The following NEURL1B variants were observed in gnomAD, a reference collection of about 807,000 sequenced individuals.
The protein encoded by NEURL1B is E3 ubiquitin-protein ligase NEURL1B.
A neutral mutation model predicts 37.4 loss-of-function variants in NEURL1B; 13 were observed. The observed-to-expected ratio is 0.35, with a 90% CI of 0.23 to 0.55. The LOEUF (loss-of-function observed/expected upper bound fraction) is 0.55, where lower values mean the gene tolerates loss of function less well. Among genes scored for constraint, NEURL1B ranks in the 20% least tolerant of loss-of-function variants. The pLI is 0.89. For synonymous variants in NEURL1B, 432 were observed against 426.6 expected (o/e 1.01, Z -0.16); for missense variants, 790 against 879.2 (o/e 0.90, Z 1.28).
chr5:172,683,911 C>T lies in NEURL1B; in HGVS notation c.1070C>T (p.Ala357Val). Residue 357 changes from alanine to valine, a missense_variant, in exon 3 of 5, where the codon GCC becomes GTC. Physicochemically the swap from Ala to Val is moderately conservative, Grantham distance 64. Transcript: ENST00000369800. The surrounding 1 kb of genome is among the most constrained non-coding windows in gnomAD (Gnocchi z 5.6). ...PGVLRPNELPADPDALLDRKE... is the reference protein window; with the variant it reads ...PGVLRPNELPVDPDALLDRKE... ...GTGCTACGGCCCAACGAGCTGCCCG[C>T]CGACCCAGACGCGCTGCTCGACCGC... is the stretch of plus-strand genomic sequence containing the variant. 1 of 1,412,600 alleles carries T rather than the reference C, an allele frequency of 7.1e-7. No individual in the cohort carries two copies. The highest frequency in any genetic ancestry group is 9.3e-7 in the Non-Finnish European group (1 of 1,078,118). The allele number at this position is 1,412,600 out of a possible 1,614,324, so 87.5% of individuals were successfully genotyped here.
Position 172,665,686 on chromosome 5 carries a change from T to C in NEURL1B, c.32-4099T>C, listed in dbSNP as rs1044985425. On this transcript the variant is annotated intron_variant, in intron 1 of 4. Coordinates refer to ENST00000369800, the MANE Select transcript of NEURL1B (RefSeq NM_001142651.3). This position sits in a 1 kb window ranked among gnomAD's most constrained non-coding sequence, Gnocchi z 4.1. The stretch of plus-strand genomic sequence containing the variant: ...CCCTGCCACACCTACCGTATCACTT[T>C]ACCCTCCCCCCAAATTCCAGCCTCC... Among the ~76,000 whole-genome samples the C allele has an allele frequency of 2.0e-5, 3 of 151,924 alleles. No homozygotes were observed. Among genetic ancestry groups the C allele is most frequent in the African/African-American group, 7.3e-5 (3 of 41,332 alleles).
At position 172,683,507 on chromosome 5, in the gene NEURL1B, C is replaced by A. The variant is rs1157894775; in HGVS notation, c.666C>A (p.Ala222=). The part of the protein sequence containing the change: ...ACLPPSSHDA[A]NFDNNELENN... ...TGCCGCCCAGCAGCCACGACGCGGC[C>A]AACTTCGACAACAACGAGCTCGAGA... The change falls in exon 3 of 5, where the codon GCC becomes GCA. Residue 222 remains alanine (A), a synonymous_variant. Coordinates refer to ENST00000369800, the MANE Select transcript of NEURL1B (RefSeq NM_001142651.3). The surrounding 1 kb of genome is among the most constrained non-coding windows in gnomAD (Gnocchi z 5.6). 1.3e-6 allele frequency: 2 copies of A among 1,502,718 alleles called. No individual in the cohort carries two copies. The highest frequency in any genetic ancestry group is 1.8e-6 in the Non-Finnish European group (2 of 1,130,918). 93.1% of individuals were successfully genotyped at this position (1,502,718 alleles called of 1,614,324 possible). A position where few individuals can be genotyped will look rare whatever the true frequency, so the allele number is the denominator to read the frequency against.
Position 172,670,188 on chromosome 5 carries a change from C to G in NEURL1B, c.435C>G (p.Ala145=). 1 of 1,472,150 alleles carries G rather than the reference C, an allele frequency of 6.8e-7. No individual in the cohort carries two copies. Among genetic ancestry groups the G allele is most frequent in the Non-Finnish European group, 9.0e-7 (1 of 1,115,530 alleles). 91.2% of individuals were successfully genotyped at this position (1,472,150 alleles called of 1,614,324 possible). The part of the protein sequence containing the change: ...ENLALRDTVL[A]YWADRHGRVF... ...TGGCGCTGCGCGACACGGTGCTGGC[C>G]TACTGGGCCGACCGCCACGGCCGCG... is the stretch of plus-strand genomic sequence containing the variant. Residue 145 remains alanine (A), a synonymous_variant, in exon 2 of 5, where the codon GCC becomes GCG. Transcript: ENST00000369800.
Position 172,665,668 on chromosome 5 carries a change from A to T in NEURL1B, c.32-4117A>T, listed in dbSNP as rs1757995694. Among the ~76,000 whole-genome samples the T allele has an allele frequency of 6.7e-6, 1 of 149,112 alleles. No homozygotes were observed. The highest frequency in any genetic ancestry group is 1.5e-5 in the Non-Finnish European group (1 of 67,282). On this transcript the variant is annotated intron_variant, in intron 1 of 4. Coordinates refer to ENST00000369800, the MANE Select transcript of NEURL1B (RefSeq NM_001142651.3). The surrounding 1 kb of genome is among the most constrained non-coding windows in gnomAD (Gnocchi z 4.1). ...TGCCCAACCTGGCACACCCCCTGCC[A>T]CACCTACCGTATCACTTTACCCTCC... is the stretch of plus-strand genomic sequence containing the variant.
intron 1 of NEURL1B, among the ~76,000 whole-genome samples, chr5:172,644,725 C>A (rs374472794): frequency 6.6e-5 from 10 of 152,300 alleles, no homozygotes; most frequent in Middle Eastern, 6.8e-3. Context: ...TAGGCAGTGG[C>A]AAAGCTGGGC....
chr5:172,689,521 A>G lies in NEURL1B; in HGVS notation c.*2596A>G, dbSNP rs1250596895. ...ACTGTACAGTTCCTTCCAATCAGAG[A>G]TGTTCACGTGTGAAAAAAAAACTGT... On this transcript the variant is annotated 3_prime_UTR_variant, in exon 5 of 5. Coordinates refer to ENST00000369800, the MANE Select transcript of NEURL1B (RefSeq NM_001142651.3). 1 of 152,128 alleles carries G rather than the reference A, an allele frequency of 6.6e-6. No individual in the cohort carries two copies. Among genetic ancestry groups the G allele is most frequent in the South Asian group, 2.1e-4 (1 of 4,816 alleles). 9.4% of individuals were successfully genotyped at this position (152,128 alleles called of 1,614,324 possible).
intron 2 of NEURL1B, among the ~76,000 whole-genome samples, chr5:172,681,891 C>T (rs1365073399): frequency 6.6e-6 from 1 of 152,196 alleles, no homozygotes; most frequent in Non-Finnish European, 1.5e-5. Context: ...ACTTATTTTC[C>T]TATTATGGTA....
rs932259717 is a variant in NEURL1B at position 172,686,939 on chromosome 5, C to T, written c.*14C>T. On this transcript the variant is annotated 3_prime_UTR_variant, in exon 5 of 5. Transcript: ENST00000369800. The surrounding 1 kb of genome is among the most constrained non-coding windows in gnomAD (Gnocchi z 7.9). Reference sequence around the variant, plus strand: ...TACAGGCCATAGCCTAGCCTGCCCACGGGCCTTGGCCGGTGCAAGGTCACC... The same window carrying T: ...TACAGGCCATAGCCTAGCCTGCCCATGGGCCTTGGCCGGTGCAAGGTCACC... 48 of 1,537,384 alleles carry T rather than the reference C, an allele frequency of 3.1e-5. No homozygotes were observed. The East Asian group carries it at 9.9e-4, about 32-fold the overall frequency.
In NEURL1B at chr5:172,690,618, T is replaced by C. The variant is rs576401213; in HGVS notation, c.*3693T>C. Reference sequence around the variant, plus strand: ...GTGACACTAAGAGGGAAATGAGATATTTGGGGCAGAATCCACTGGGCTCTC... The same window carrying C: ...GTGACACTAAGAGGGAAATGAGATACTTGGGGCAGAATCCACTGGGCTCTC... On this transcript the variant is annotated 3_prime_UTR_variant, in exon 5 of 5. Transcript: ENST00000369800. The C allele has an allele frequency of 7.2e-5, 11 of 152,306 alleles. No individual in the cohort carries two copies. In the South Asian group the frequency reaches 8.3e-4, roughly 11 times the overall value. 9.4% of individuals were successfully genotyped at this position (152,306 alleles called of 1,614,324 possible).
rs777836798 is a variant in NEURL1B, at chr5:172,647,308, G to A, written c.31+5871G>A. On this transcript the variant is annotated intron_variant, in intron 1 of 4. Transcript: ENST00000369800. The surrounding 1 kb of genome is among the most constrained non-coding windows in gnomAD (Gnocchi z 4.2). ...AGCACACGCTCACCTGGGCAGTGTC[G>A]CGGGGTGGTCCGAGCTTCTGCACAC... 7.9e-5 allele frequency among the ~76,000 whole-genome samples: 12 copies of A among 152,156 alleles called. No individual in the cohort carries two copies. Among genetic ancestry groups the A allele is most frequent in the South Asian group, 4.1e-4 (2 of 4,824 alleles).
chr5:172,683,609 C>A lies in NEURL1B; in HGVS notation c.768C>A (p.Ala256=). The A allele has an allele frequency of 8.0e-7, 1 of 1,243,402 alleles. No homozygotes were observed. Among genetic ancestry groups the A allele is most frequent in the Non-Finnish European group, 1.0e-6 (1 of 992,198 alleles). The allele number at this position is 1,243,402 out of a possible 1,614,324, so 77.0% of individuals were successfully genotyped here. ...GCCCACCGCCAGCCGACGCCGCGGC[C>A]GCCGCCATTCCGTGCGGGCCCCGTG... The part of the protein sequence containing the change: ...APGPPPADAA[A]AAIPCGPRER... Residue 256 remains alanine, a synonymous_variant, in exon 3 of 5, where the codon GCC becomes GCA. Transcript: ENST00000369800. The surrounding 1 kb of genome is among the most constrained non-coding windows in gnomAD (Gnocchi z 5.6).
At chr5:172,666,736 C>T (rs572763400) in intron 1 of NEURL1B, among the ~76,000 whole-genome samples, 6 of 152,320 alleles carry the variant, frequency 3.9e-5, no homozygotes, top group South Asian at 2.1e-4. Context: ...CACGGCCCAA[C>T]GCTGAGGGAG....
chr5:172,670,263 G>A lies in NEURL1B; in HGVS notation c.510G>A (p.Val170=). The A allele has an allele frequency of 1.4e-6, 2 of 1,388,694 alleles. No homozygotes were observed. The highest frequency in any genetic ancestry group is 1.9e-6 in the Non-Finnish European group (2 of 1,076,012). The allele number at this position is 1,388,694 out of a possible 1,614,324, so 86.0% of individuals were successfully genotyped here. ...AGCCGGTGCTCTTCCACTGCGGCGT[G>A]GCCGTGGGCGGCCCGCTCTGGGCGC... ...DGEPVLFHCG[V]AVGGPLWALI... is the part of the protein sequence containing the mutation. Residue 170 remains valine, a synonymous_variant, in exon 2 of 5, where the codon GTG becomes GTA. Transcript: ENST00000369800.
chr5:172,686,558 A>G lies in NEURL1B; in HGVS notation c.1424-123A>G, dbSNP rs1758500723. ...AAAACCTGCAAGGTAAACTCAAATT[A>G]GTATCTCCCAAAAGTATTCTCCCAC... On this transcript the variant is annotated intron_variant, in intron 4 of 4. Coordinates refer to ENST00000369800, the MANE Select transcript of NEURL1B (RefSeq NM_001142651.3). The surrounding 1 kb of genome is among the most constrained non-coding windows in gnomAD (Gnocchi z 7.9). 8.6e-7 allele frequency: 1 copy of G among 1,162,150 alleles called. No homozygotes were observed. The highest frequency in any genetic ancestry group is 1.2e-6 in the Non-Finnish European group (1 of 834,448). 72.0% of individuals were successfully genotyped at this position (1,162,150 alleles called of 1,614,324 possible).
chr5:172,643,316 C>T (rs565011486), intron 1 of NEURL1B, among the ~76,000 whole-genome samples: 1 of 152,322 alleles, frequency 6.6e-6, no homozygotes, highest in South Asian at 2.1e-4. Flanking sequence ...AATTGTTTTC[C>T]GACCTACCAG....
chr5:172,663,829 T>TTTTTTTATTATTATTATTATTATTATTA (rs138220033), intron 1 of NEURL1B, among the ~76,000 whole-genome samples: 87 of 140,844 alleles, frequency 6.2e-4, no homozygotes, highest in Non-Finnish European at 7.2e-4. Context: ...GTTTTATTTG[T>TTTTTTTATTATTATTATTATTATTATTA]TTATTATTAT....
chr5:172,686,037 C>T lies in NEURL1B; in HGVS notation c.1298-134C>T. ...ACACTGGGATGCACTCTTCACTCCT[C>T]AGCAGAACCCTGGGAGATACCTCTG... On this transcript the variant is annotated intron_variant, in intron 3 of 4. Transcript: ENST00000369800. The surrounding 1 kb of genome is among the most constrained non-coding windows in gnomAD (Gnocchi z 7.9). 4.7e-6 allele frequency: 5 copies of T among 1,067,240 alleles called. No homozygotes were observed. The highest frequency in any genetic ancestry group is 6.6e-6 in the Non-Finnish European group (5 of 754,328). The allele number at this position is 1,067,240 out of a possible 1,614,324, so 66.1% of individuals were successfully genotyped here.
In NEURL1B at chr5:172,683,495, C is replaced by A. The variant is rs1251541042; in HGVS notation, c.654C>A (p.Ser218Arg). 3 of 1,501,824 alleles carry A rather than the reference C, an allele frequency of 2.0e-6. No individual in the cohort carries two copies. The highest frequency in any genetic ancestry group is 1.2e-5 in the South Asian group (1 of 80,358). The allele number at this position is 1,501,824 out of a possible 1,614,324, so 93.0% of individuals were successfully genotyped here. A position where few individuals can be genotyped will look rare whatever the true frequency, so the allele number is the denominator to read the frequency against. ...ARFSACLPPS[S>R]HDAANFDNNE... ...TCAGCGCCTGCCTGCCGCCCAGCAGCCACGACGCGGCCAACTTCGACAACA... is the reference window on the plus strand; with the variant it reads ...TCAGCGCCTGCCTGCCGCCCAGCAGACACGACGCGGCCAACTTCGACAACA... Residue 218 changes from serine (S) to arginine (R), a missense_variant, in exon 3 of 5, where the codon AGC (serine) becomes AGA (arginine). Transcript: ENST00000369800. This position sits in a 1 kb window ranked among gnomAD's most constrained non-coding sequence, Gnocchi z 5.6.
In NEURL1B at chr5:172,683,688, C is replaced by T. The variant is rs1758414800; in HGVS notation, c.847C>T (p.His283Tyr). The change falls in exon 3 of 5, where the codon CAC becomes TAC. Residue 283 changes from histidine to tyrosine, a missense_variant. Transcript: ENST00000369800. This position sits in a 1 kb window ranked among gnomAD's most constrained non-coding sequence, Gnocchi z 5.6. ...PALLEADLRFHATRGPDVSLS... is the reference protein window; with the variant it reads ...PALLEADLRFYATRGPDVSLS... The stretch of plus-strand genomic sequence containing the variant: ...GCTACTGGAGGCCGACCTGCGCTTC[C>T]ACGCAACACGCGGGCCCGACGTGAG... 7.4e-7 allele frequency: 1 copy of T among 1,346,116 alleles called. No individual in the cohort carries two copies. The highest frequency in any genetic ancestry group is 9.6e-7 in the Non-Finnish European group (1 of 1,040,784). The allele number at this position is 1,346,116 out of a possible 1,614,324, so 83.4% of individuals were successfully genotyped here.
Sources: gnomAD v4.1 joint callset for allele counts (sites outside exome capture counted in the v4.1 genomes callset) on GRCh38, gnomAD v4.1.1 for gene constraint, Gnocchi (gnomAD v3.1) non-coding constraint, MANE v1.5 for transcripts, NCBI Gene and HGNC (gene_info 2026-07-23, HGNC 2026-07-21) for gene names.